The following CXCL17 variants were observed in gnomAD, a reference collection of about 807,000 sequenced individuals.
CXCL17 encodes C-X-C motif chemokine 17.
A neutral mutation model predicts 15.5 loss-of-function variants in CXCL17; 9 were observed. That is an observed-to-expected ratio of 0.58 (90% CI 0.35 to 1.01). The LOEUF (loss-of-function observed/expected upper bound fraction) is 1.01, where lower values mean the gene tolerates loss of function less well. CXCL17 is among the 50% of genes least tolerant of loss of function. The probability of loss-of-function intolerance (pLI) is 0.02; values close to 1 mark genes in which losing one functional copy is unlikely to be tolerated. For missense variants in CXCL17, 133 were observed against 138.2 expected, an observed-to-expected ratio of 0.96 and a Z score of 0.19; for synonymous variants, 52 against 52.3, an observed-to-expected ratio of 0.99 and a Z score of 0.02.
intron 3 of CXCL17, among the ~76,000 whole-genome samples, chr19:42,430,546 A>T (rs1378163247): frequency 6.7e-6 from 1 of 149,250 alleles, no homozygotes; most frequent in Non-Finnish European, 1.5e-5. Context: ...GTGAGCCGAG[A>T]TTGCGCTATT....
At chr19:42,429,838 T>C (rs2040759181) in intron 3 of CXCL17, among the ~76,000 whole-genome samples, 2 of 152,296 alleles carry the variant, frequency 1.3e-5, no homozygotes, top group Non-Finnish European at 2.9e-5. Context: ...AAAACAAAAA[T>C]GAGATTATAC....
chr19:42,428,798 G>T lies in CXCL17; in HGVS notation c.*86C>A. ...AGGGGTGGGTACAGTGGGAGAGTGA[G>T]GTGGGAGAAGAAGAGTGTCTGGTAG... On this transcript the variant is annotated 3_prime_UTR_variant, in exon 4 of 4. Transcript: ENST00000601181. 1 of 962,426 alleles carries T rather than the reference G, an allele frequency of 1.0e-6. No homozygotes were observed. The highest frequency in any genetic ancestry group is 1.7e-6 in the Non-Finnish European group (1 of 588,796). 59.6% of individuals were successfully genotyped at this position (962,426 alleles called of 1,614,324 possible).
chr19:42,442,552 A>G (rs995895522), intron 1 of CXCL17, among the ~76,000 whole-genome samples: 15 of 152,100 alleles, frequency 9.9e-5, no homozygotes, highest in African/African-American at 2.7e-4. Context: ...ATATTTTCAC[A>G]TACAATATCT....
intron 1 of CXCL17, among the ~76,000 whole-genome samples, chr19:42,435,072 G>A (rs1342465298): frequency 6.6e-6 from 1 of 151,868 alleles, no homozygotes; most frequent in Admixed American, 6.6e-5. Context: ...CCAGCTACTC[G>A]GGAGGCTGAG....
At chr19:42,429,540 C>G in intron 3 of CXCL17, among the ~76,000 whole-genome samples, 1 of 152,156 alleles carries the variant, frequency 6.6e-6, no homozygotes, top group Non-Finnish European at 1.5e-5. Context: ...GTTGGCCAGG[C>G]TGGTCTTGAA....
chr19:42,442,434 C>T (rs931544532), intron 1 of CXCL17, among the ~76,000 whole-genome samples: 2 of 151,942 alleles, frequency 1.3e-5, no homozygotes, highest in African/African-American at 2.4e-5. Context: ...GGAGTTTCAC[C>T]GTGTTAGCCA....
chr19:42,431,324 A>G (rs180960650), intron 3 of CXCL17, among the ~76,000 whole-genome samples: 15 of 152,318 alleles, frequency 9.8e-5, no homozygotes, highest in Admixed American at 9.2e-4. Flanking sequence ...TGTATTCTGA[A>G]TACTAATCCT....
At chr19:42,439,598 A>T (rs1223720905) in intron 1 of CXCL17, among the ~76,000 whole-genome samples, 1 of 152,208 alleles carries the variant, frequency 6.6e-6, no homozygotes, top group Non-Finnish European at 1.5e-5. Flanking sequence ...CACCTGAACC[A>T]AGTGCTTAAA....
chr19:42,436,560 C>T (rs1473699753), intron 1 of CXCL17, among the ~76,000 whole-genome samples: 1 of 151,340 alleles, frequency 6.6e-6, no homozygotes, highest in Non-Finnish European at 1.5e-5. Flanking sequence ...AATTATTATT[C>T]TTACCAACTG....
At chr19:42,442,497 G>A (rs937534909) in intron 1 of CXCL17, among the ~76,000 whole-genome samples, 7 of 152,170 alleles carry the variant, frequency 4.6e-5, no homozygotes, top group African/African-American at 1.7e-4. Context: ...GCCTCCCAAA[G>A]TGCTGGGATT....
At chr19:42,437,030 C>T (rs1022461129) in intron 1 of CXCL17, among the ~76,000 whole-genome samples, 19 of 152,160 alleles carry the variant, frequency 1.2e-4, no homozygotes, top group Admixed American at 5.2e-4. Flanking sequence ...CTCTGCCTCT[C>T]GGGTTCAAGC....
chr19:42,428,795 T>G lies in CXCL17; in HGVS notation c.*89A>C. ...TTTAGGGGTGGGTACAGTGGGAGAG[T>G]GAGGTGGGAGAAGAAGAGTGTCTGG... On this transcript the variant is annotated 3_prime_UTR_variant, in exon 4 of 4. Coordinates refer to ENST00000601181, the MANE Select transcript of CXCL17 (RefSeq NM_198477.3). The G allele has an allele frequency of 1.1e-6, 1 of 933,438 alleles. No individual in the cohort carries two copies. Among genetic ancestry groups the G allele is most frequent in the Admixed American group, 1.7e-5 (1 of 57,696 alleles). 57.8% of individuals were successfully genotyped at this position (933,438 alleles called of 1,614,324 possible).
chr19:42,438,410 T>TAC (rs145217809), intron 1 of CXCL17, among the ~76,000 whole-genome samples: 22,318 of 89,794 alleles, frequency 0.25, 2,641 homozygotes, highest in South Asian at 0.34. Flanking sequence ...ATATATAAAA[T>TAC]ACACACACAC....
At chr19:42,430,757 C>T (rs893075418) in intron 3 of CXCL17, among the ~76,000 whole-genome samples, 1 of 151,914 alleles carries the variant, frequency 6.6e-6, no homozygotes, top group Non-Finnish European at 1.5e-5. Context: ...TGTATAGATT[C>T]CTAAATAATT....
intron 2 of CXCL17, 113 bp from the exon 3 acceptor site, chr19:42,433,190 T>A: frequency 2.9e-6 from 2 of 695,972 alleles, no homozygotes; most frequent in South Asian, 1.8e-5. Flanking sequence ...TGCAATGGGG[T>A]GGGAAAAGGG....
intron 3 of CXCL17, among the ~76,000 whole-genome samples, chr19:42,429,384 A>G (rs1169154485): frequency 6.6e-6 from 1 of 151,888 alleles, no homozygotes; most frequent in African/African-American, 2.4e-5. Flanking sequence ...GCTGGAGTGC[A>G]GTGGTGCAAT....
intron 1 of CXCL17, among the ~76,000 whole-genome samples, chr19:42,438,372 AAAAAAAAAAAT>A (rs2040853959): frequency 9.1e-6 from 1 of 109,580 alleles, no homozygotes; most frequent in Non-Finnish European, 1.7e-5. Flanking sequence ...AAAAAAAAAA[AAAAAAAAAAAT>A]ATATATATAT....
At chr19:42,442,316 CT>C (rs1204232912) in intron 1 of CXCL17, among the ~76,000 whole-genome samples, 2 of 151,086 alleles carry the variant, frequency 1.3e-5, no homozygotes, top group East Asian at 3.9e-4. Flanking sequence ...TCACTGCAGC[CT>C]CCACCTCCTG....
In CXCL17 at chr19:42,433,003, G is replaced by T; in HGVS notation, c.235C>A (p.His79Asn). 2 of 1,613,888 alleles carry T rather than the reference G, an allele frequency of 1.2e-6. No individual in the cohort carries two copies. The highest frequency in any genetic ancestry group is 3.3e-4 in the Middle Eastern group (2 of 6,056). ...GLPKKQCPCD[H>N]FKGNVKKTRH... Reference sequence around the variant, plus strand: ...GTTTTCTTCACATTGCCCTTGAAATGATCACAGGGGCACTGCTTCTTTGGC... The same window carrying T: ...GTTTTCTTCACATTGCCCTTGAAATTATCACAGGGGCACTGCTTCTTTGGC... Residue 79 changes from histidine (H) to asparagine (N), a missense_variant, in exon 3 of 4, where the codon CAT becomes AAT. Coordinates refer to ENST00000601181, the MANE Select transcript of CXCL17 (RefSeq NM_198477.3).
Sources: gnomAD v4.1 joint callset for allele counts (sites outside exome capture counted in the v4.1 genomes callset) on GRCh38, gnomAD v4.1.1 for gene constraint, MANE v1.5 for transcripts, NCBI Gene and HGNC (gene_info 2026-07-23, HGNC 2026-07-21) for gene names.